FSIP1: variants seen among roughly 807,000 people sequenced by gnomAD.
The protein encoded by FSIP1 is fibrous sheath interacting protein 1, also known as fibrous sheath-interacting protein 1.
FSIP1 carries 65 observed loss-of-function variants against 60.9 expected under a neutral mutation model. That is an observed-to-expected ratio of 1.07 (90% CI 0.87 to 1.31). The LOEUF (loss-of-function observed/expected upper bound fraction) is 1.31. FSIP1 is among the 40% of genes most tolerant of loss of function. The pLI is 0.00. For missense variants in FSIP1, 675 were observed against 665.5 expected, an observed-to-expected ratio of 1.01 and a Z score of -0.16; for synonymous variants, 209 against 221.2, an observed-to-expected ratio of 0.94 and a Z score of 0.49.
chr15:39,744,091 G>A (rs1896899381), intron 5 of FSIP1, among the ~76,000 whole-genome samples: 1 of 152,188 alleles, frequency 6.6e-6, no homozygotes. Flanking sequence ...GTGCATGTAT[G>A]TGTGTATATG....
At chr15:39,694,016 T>C (rs1350413298) in intron 10 of FSIP1, among the ~76,000 whole-genome samples, 1 of 152,184 alleles carries the variant, frequency 6.6e-6, no homozygotes, top group Non-Finnish European at 1.5e-5. Context: ...ACAATATATA[T>C]ACATATCAAA....
At chr15:39,626,934 T>C (rs1891664458) in intron 10 of FSIP1, among the ~76,000 whole-genome samples, 1 of 152,136 alleles carries the variant, frequency 6.6e-6, no homozygotes, top group African/African-American at 2.4e-5. Context: ...CTGCCTCTTA[T>C]TGTGAGAAGC....
At chr15:39,655,501 T>C (rs1595578831) in intron 10 of FSIP1, among the ~76,000 whole-genome samples, 1 of 152,144 alleles carries the variant, frequency 6.6e-6, no homozygotes, top group East Asian at 1.9e-4. Flanking sequence ...TAACAATCCA[T>C]TCATTCATTC....
intron 11 of FSIP1, among the ~76,000 whole-genome samples, chr15:39,615,337 G>A (rs1176702769): frequency 7.0e-6 from 1 of 142,524 alleles, no homozygotes; most frequent in African/African-American, 2.6e-5. Flanking sequence ...TGTGAAGTAG[G>A]AGAAAATATT....
At position 39,759,437 on chromosome 15, in the gene FSIP1, T is replaced by A. The variant is rs150178011; in HGVS notation, c.559+4384A>T. Among the ~76,000 whole-genome samples, 105 of 152,278 alleles carry A rather than the reference T, an allele frequency of 6.9e-4. 1 individual carries two copies. In the East Asian group the frequency reaches 0.013, roughly 18 times the overall value. ...AGCTTAAAAATAACTACAAAATCCA[T>A]CGTTGGCATAGAAAAATAATATTCA... On this transcript the variant is annotated intron_variant, in intron 5 of 11. Coordinates refer to ENST00000350221, the MANE Select transcript of FSIP1 (RefSeq NM_152597.5).
chr15:39,695,405 A>G (rs1374332052), intron 10 of FSIP1, among the ~76,000 whole-genome samples: 4 of 151,834 alleles, frequency 2.6e-5, no homozygotes, highest in East Asian at 1.9e-4. Context: ...TTTTCTTGCC[A>G]AAGTATCACA....
chr15:39,754,325 C>T (rs1002094738), intron 5 of FSIP1, among the ~76,000 whole-genome samples: 4 of 152,018 alleles, frequency 2.6e-5, no homozygotes, highest in African/African-American at 9.7e-5. Context: ...CGGAACCACC[C>T]AGCTAAGATA....
At chr15:39,721,823 T>C (rs1195181377) in intron 9 of FSIP1, among the ~76,000 whole-genome samples, 1 of 152,224 alleles carries the variant, frequency 6.6e-6, no homozygotes, top group Non-Finnish European at 1.5e-5. Flanking sequence ...ATTTTCTAAT[T>C]TGAATTTTTC....
intron 9 of FSIP1, among the ~76,000 whole-genome samples, chr15:39,724,191 C>T (rs1003514612): frequency 6.6e-6 from 1 of 151,710 alleles, no homozygotes; most frequent in Non-Finnish European, 1.5e-5. Flanking sequence ...CTTATCTGAA[C>T]CATAAATGTG....
At chr15:39,766,762 T>G (rs1015845020) in intron 3 of FSIP1, among the ~76,000 whole-genome samples, 8 of 152,248 alleles carry the variant, frequency 5.3e-5, no homozygotes, top group Admixed American at 2.0e-4. Context: ...CATATTGTGC[T>G]AAGTAAGGCC....
At chr15:39,687,759 T>C (rs1894441738) in intron 10 of FSIP1, among the ~76,000 whole-genome samples, 1 of 152,210 alleles carries the variant, frequency 6.6e-6, no homozygotes, top group East Asian at 1.9e-4. Flanking sequence ...GAATGTATCC[T>C]CTTGCCTTGC....
chr15:39,708,321 C>T (rs889824520), intron 10 of FSIP1, among the ~76,000 whole-genome samples: 3 of 152,140 alleles, frequency 2.0e-5, no homozygotes, highest in African/African-American at 7.2e-5. Flanking sequence ...TCCAGGCACC[C>T]CATGATACTT....
chr15:39,653,543 T>C (rs1892958099), intron 10 of FSIP1, among the ~76,000 whole-genome samples: 1 of 152,376 alleles, frequency 6.6e-6, no homozygotes, highest in South Asian at 2.1e-4. Flanking sequence ...TTTTTTCCAT[T>C]TGATACAGTT....
chr15:39,698,605 C>G (rs1268459615), intron 10 of FSIP1, among the ~76,000 whole-genome samples: 2 of 152,226 alleles, frequency 1.3e-5, no homozygotes, highest in Non-Finnish European at 2.9e-5. Flanking sequence ...TCCTCGTGAT[C>G]AGTGTTTTCC....
At chr15:39,632,696 G>T (rs1891948762) in intron 10 of FSIP1, among the ~76,000 whole-genome samples, 1 of 152,112 alleles carries the variant, frequency 6.6e-6, no homozygotes, top group African/African-American at 2.4e-5. Context: ...AGGAGTCTGA[G>T]GCAGGAGAAT....
At chr15:39,769,255 G>C (rs1330021208) in intron 3 of FSIP1, among the ~76,000 whole-genome samples, 1 of 150,982 alleles carries the variant, frequency 6.6e-6, no homozygotes, top group Non-Finnish European at 1.5e-5. Context: ...CTCCAGCCTG[G>C]GCGACAGAGC....
intron 8 of FSIP1, among the ~76,000 whole-genome samples, chr15:39,733,024 A>C (rs16952186): frequency 2.0e-5 from 3 of 152,156 alleles, no homozygotes; most frequent in Admixed American, 1.3e-4. Context: ...TTGCAGAAAG[A>C]ACTCTCAGTA....
At chr15:39,605,794 C>T (rs1204629942) in intron 11 of FSIP1, among the ~76,000 whole-genome samples, 1 of 152,098 alleles carries the variant, frequency 6.6e-6, no homozygotes, top group Non-Finnish European at 1.5e-5. Context: ...CAACCAAGTC[C>T]AGTCCCAGAG....
intron 9 of FSIP1, among the ~76,000 whole-genome samples, chr15:39,718,223 T>C (rs529665482): frequency 6.6e-6 from 1 of 151,964 alleles, no homozygotes; most frequent in Non-Finnish European, 1.5e-5. Flanking sequence ...CATAGATAGA[T>C]AGATAGATAT....
Sources: allele counts gnomAD v4.1 joint callset (sites outside exome capture counted in the v4.1 genomes callset), GRCh38; gene constraint gnomAD v4.1.1; transcripts MANE v1.5; gene names NCBI Gene and HGNC (gene_info 2026-07-23, HGNC 2026-07-21).